The following SGCZ variants were observed in gnomAD, a reference collection of about 807,000 sequenced individuals.
SGCZ encodes sarcoglycan zeta, also known as zeta-sarcoglycan.
A neutral mutation model predicts 41.3 loss-of-function variants in SGCZ; 40 were observed. The observed-to-expected ratio is 0.97, with a 90% CI of 0.75 to 1.26. The LOEUF (loss-of-function observed/expected upper bound fraction) is 1.26. Among genes scored for constraint, SGCZ ranks in the 50% most tolerant of loss-of-function variants. The pLI, the probability that SGCZ is intolerant of heterozygous loss-of-function variation, is 0.00. For missense variants in SGCZ, 552 were observed against 369.8 expected (o/e 1.49, Z -4.04); for synonymous variants, 206 against 137.5 (o/e 1.50, Z -3.49).
At chr8:14,776,891 A>G (rs1800420955) in intron 1 of SGCZ, among the ~76,000 whole-genome samples, 1 of 152,206 alleles carries the variant, frequency 6.6e-6, no homozygotes, top group African/African-American at 2.4e-5. Context: ...CAGGTTATAG[A>G]CTGACCACAG....
At chr8:14,319,123 A>G (rs1349820370) in intron 3 of SGCZ, among the ~76,000 whole-genome samples, 2 of 152,010 alleles carry the variant, frequency 1.3e-5, no homozygotes, top group African/African-American at 4.8e-5. Flanking sequence ...CATAAGAATT[A>G]TTGCTTTCTC....
intron 7 of SGCZ, among the ~76,000 whole-genome samples, chr8:14,093,915 C>A (rs1436116090): frequency 1.3e-5 from 2 of 151,910 alleles, no homozygotes; most frequent in Non-Finnish European, 2.9e-5. Flanking sequence ...TTGTTTGTTT[C>A]TTCTACTTAC....
intron 1 of SGCZ, among the ~76,000 whole-genome samples, chr8:15,213,445 G>T (rs540264879): frequency 6.6e-6 from 1 of 151,192 alleles, no homozygotes; most frequent in Non-Finnish European, 1.5e-5. Flanking sequence ...AAATAAAAAA[G>T]ATGTATATTT....
At chr8:14,521,037 A>T (rs991207879) in intron 2 of SGCZ, among the ~76,000 whole-genome samples, 6 of 152,160 alleles carry the variant, frequency 3.9e-5, no homozygotes, top group Admixed American at 3.9e-4. Flanking sequence ...GTCATAAGAT[A>T]AGAGAGAATT....
intron 2 of SGCZ, among the ~76,000 whole-genome samples, chr8:14,450,411 A>G (rs1800558215): frequency 6.6e-6 from 1 of 152,218 alleles, no homozygotes; most frequent in Non-Finnish European, 1.5e-5. Context: ...GCACAGCCCA[A>G]CATAAAGGGT....
chr8:14,273,457 C>T (rs1257688605), intron 3 of SGCZ, among the ~76,000 whole-genome samples: 1 of 152,122 alleles, frequency 6.6e-6, no homozygotes, highest in African/African-American at 2.4e-5. Context: ...AATTCAACTC[C>T]TCACACTCTC....
At chr8:14,743,346 A>G (rs546920909) in intron 1 of SGCZ, among the ~76,000 whole-genome samples, 2 of 152,226 alleles carry the variant, frequency 1.3e-5, no homozygotes, top group African/African-American at 4.8e-5. Flanking sequence ...AAATAACCAT[A>G]TTGCTTAAGA....
intron 1 of SGCZ, among the ~76,000 whole-genome samples, chr8:15,029,504 T>C (rs1803580801): frequency 6.6e-6 from 1 of 152,120 alleles, no homozygotes; most frequent in African/African-American, 2.4e-5. Context: ...GTATGTTAAC[T>C]ACAATTTTGA....
chr8:15,001,728 CAAA>C (rs1223307583), intron 1 of SGCZ, among the ~76,000 whole-genome samples: 13 of 81,038 alleles, frequency 1.6e-4, no homozygotes, highest in African/African-American at 3.8e-4. Context: ...GACTCCGTCT[CAAA>C]AAAAAAAAAA....
At chr8:14,343,897 C>T (rs1370095495) in intron 2 of SGCZ, among the ~76,000 whole-genome samples, 1 of 151,180 alleles carries the variant, frequency 6.6e-6, no homozygotes, top group Non-Finnish European at 1.5e-5. Context: ...GAAAAAGAAG[C>T]AGTGCAAATT....
chr8:14,464,738 C>T (rs1455238125), intron 2 of SGCZ, among the ~76,000 whole-genome samples: 8 of 151,298 alleles, frequency 5.3e-5, no homozygotes, highest in East Asian at 1.9e-4. Flanking sequence ...ACTATAAATA[C>T]GCCATGTAAC....
rs116159405 is a variant in SGCZ, at chr8:15,013,600, G to T, written c.39+223985C>A. Among the ~76,000 whole-genome samples, 955 of 152,114 alleles carry T rather than the reference G, an allele frequency of 6.3e-3. 5 individuals carry two copies. Among genetic ancestry groups the T allele is most frequent in the African/African-American group, 0.022 (897 of 41,500 alleles). On this transcript the variant is annotated intron_variant, in intron 1 of 7. Coordinates refer to ENST00000382080, the MANE Select transcript of SGCZ (RefSeq NM_139167.4). ...TAAATGTGAAAGGCTGCATGGTGTT[G>T]TGGAAAGAACCCAGAATCAGAACAG... is the stretch of plus-strand genomic sequence containing the variant.
chr8:14,753,191 T>C (rs981078865), intron 1 of SGCZ, among the ~76,000 whole-genome samples: 2 of 152,152 alleles, frequency 1.3e-5, no homozygotes, highest in Non-Finnish European at 2.9e-5. Context: ...TTCCCCACCA[T>C]TATCTCTCTG....
chr8:14,809,079 G>C (rs1346460871), intron 1 of SGCZ, among the ~76,000 whole-genome samples: 1 of 147,034 alleles, frequency 6.8e-6, no homozygotes, highest in African/African-American at 2.6e-5. Context: ...GGGGACTGTT[G>C]TGGGGTGGGT....
intron 1 of SGCZ, among the ~76,000 whole-genome samples, chr8:14,803,216 C>T (rs966390172): frequency 2.0e-5 from 3 of 152,062 alleles, no homozygotes; most frequent in Middle Eastern, 3.4e-3. Flanking sequence ...CAAACTGTCC[C>T]GGGAGGAGCC....
chr8:14,601,990 G>C (rs1404043024), intron 1 of SGCZ, among the ~76,000 whole-genome samples: 1 of 152,036 alleles, frequency 6.6e-6, no homozygotes, highest in Non-Finnish European at 1.5e-5. Flanking sequence ...CCTGGTGGCG[G>C]GCGCCTGTAG....
At chr8:14,159,766 C>A (rs1248158249) in intron 5 of SGCZ, among the ~76,000 whole-genome samples, 1 of 152,134 alleles carries the variant, frequency 6.6e-6, no homozygotes, top group Admixed American at 6.6e-5. Flanking sequence ...TGAAGAGGAA[C>A]AATGGCCTAT....
rs140330478 is a variant in SGCZ, at chr8:14,145,431, G to C, written c.547+19149C>G. 4.0e-3 allele frequency among the ~76,000 whole-genome samples: 608 copies of C among 152,268 alleles called. 1 individual carries two copies. The highest frequency in any genetic ancestry group is 0.014 in the Middle Eastern group (4 of 294). On this transcript the variant is annotated intron_variant, in intron 5 of 7. Transcript: ENST00000382080. Reference sequence around the variant, plus strand: ...ATACAGGTTAGATCACAACACCCAAGTCCTTTCAAATACCCGAAAGTCTTC... The same window carrying C: ...ATACAGGTTAGATCACAACACCCAACTCCTTTCAAATACCCGAAAGTCTTC...
intron 5 of SGCZ, among the ~76,000 whole-genome samples, chr8:14,149,479 A>G (rs991206501): frequency 2.0e-5 from 3 of 152,066 alleles, no homozygotes; most frequent in Non-Finnish European, 4.4e-5. Flanking sequence ...GAAAAATGTC[A>G]GTGATGGAAA....
Sources: allele counts gnomAD v4.1 joint callset (sites outside exome capture counted in the v4.1 genomes callset), GRCh38; gene constraint gnomAD v4.1.1; transcripts MANE v1.5; gene names NCBI Gene and HGNC (gene_info 2026-07-23, HGNC 2026-07-21).